The following ABCB5 variants were observed in gnomAD, a reference collection of about 807,000 sequenced individuals.
The protein encoded by ABCB5 is ATP-binding cassette sub-family B member 5.
Under a neutral mutation model 144.2 loss-of-function variants are expected in ABCB5, and 155 were observed. That is an observed-to-expected ratio of 1.08 (90% CI 0.94 to 1.23). The LOEUF (loss-of-function observed/expected upper bound fraction) is 1.23, where lower values mean the gene tolerates loss of function less well. Ranked by LOEUF, ABCB5 falls within the 50% of genes most tolerant of loss-of-function variation. The probability of loss-of-function intolerance (pLI) is 0.00; values close to 1 mark genes in which losing one functional copy is unlikely to be tolerated. For missense variants in ABCB5, 1,830 were observed against 1,520.8 expected, an observed-to-expected ratio of 1.20 and a Z score of -3.38; for synonymous variants, 610 against 528.6, an observed-to-expected ratio of 1.15 and a Z score of -2.11.
rs761639963 is a variant in ABCB5, at chr7:20,742,852, C to T, written c.3025-25C>T. The T allele has an allele frequency of 1.4e-5, 22 of 1,611,484 alleles. No individual in the cohort carries two copies. The African/African-American group carries it at 2.7e-4, about 20-fold the overall frequency. On this transcript the variant is annotated intron_variant, in intron 24 of 27. Coordinates refer to ENST00000404938, the MANE Select transcript of ABCB5 (RefSeq NM_001163941.2). ...TACAACCTTCCCAAGTCATTCTTCT[C>T]AACTCTGTCAACTTCCTTTCACAGG...
intron 27 of ABCB5, among the ~76,000 whole-genome samples, chr7:20,755,065 T>C (rs988600335): frequency 6.6e-6 from 1 of 152,132 alleles, no homozygotes; most frequent in African/African-American, 2.4e-5. Flanking sequence ...TTGTCCTGCC[T>C]CAGCCTCCCA....
rs1783070233 is a variant in ABCB5, at chr7:20,755,731, G to C, written c.*107G>C. 9.9e-7 allele frequency: 1 copy of C among 1,007,502 alleles called. No individual in the cohort carries two copies. Among genetic ancestry groups the C allele is most frequent in the South Asian group, 1.6e-5 (1 of 63,428 alleles). 62.4% of individuals were successfully genotyped at this position (1,007,502 alleles called of 1,614,324 possible). Reference sequence around the variant, plus strand: ...CTTTTATTGCATATATCAATACCTAGAATCATGCTACTCAAGTACATACAT... The same window carrying C: ...CTTTTATTGCATATATCAATACCTACAATCATGCTACTCAAGTACATACAT... On this transcript the variant is annotated 3_prime_UTR_variant, in exon 28 of 28. Transcript: ENST00000404938.
At chr7:20,616,841 G>C (rs1783697023) in intron 1 of ABCB5, among the ~76,000 whole-genome samples, 1 of 152,206 alleles carries the variant, frequency 6.6e-6, no homozygotes, top group African/African-American at 2.4e-5. Flanking sequence ...ATACAGTGAG[G>C]ACCTGCCAAC....
At position 20,677,585 on chromosome 7, in the gene ABCB5, C is replaced by T. The variant is rs562570592; in HGVS notation, c.1708-3920C>T. Among the ~76,000 whole-genome samples the T allele has an allele frequency of 2.0e-4, 30 of 152,078 alleles. No homozygotes were observed. The East Asian group carries it at 2.7e-3, about 14-fold the overall frequency. ...CTCTACTAAAAATACAAAAATTAAC[C>T]GGGTGTGGTGGTGCACGCCTGTAAT... On this transcript the variant is annotated intron_variant, in intron 14 of 27. Transcript: ENST00000404938.
intron 20 of ABCB5, among the ~76,000 whole-genome samples, chr7:20,719,590 G>A (rs1317783738): frequency 6.6e-6 from 1 of 152,170 alleles, no homozygotes; most frequent in Non-Finnish European, 1.5e-5. Flanking sequence ...TGTGGGAAAG[G>A]GGTAGGGCTG....
Position 20,651,804 on chromosome 7 carries a change from A to C in ABCB5, c.1536+181A>C, listed in dbSNP as rs2128026450. The C allele has an allele frequency of 5.0e-6, 3 of 595,304 alleles. 1 individual carries two copies. Among genetic ancestry groups the C allele is most frequent in the Middle Eastern group, 9.0e-4 (2 of 2,216 alleles). 36.9% of individuals were successfully genotyped at this position (595,304 alleles called of 1,614,324 possible). A position where few individuals can be genotyped will look rare whatever the true frequency, so the allele number is the denominator to read the frequency against. ...TGGCTTTGAATGAGGTCCAACACAA[A>C]TTTGTAAACTTTCTTAACACATTAT... is the stretch of plus-strand genomic sequence containing the variant. On this transcript the variant is annotated intron_variant, in intron 13 of 27. Transcript: ENST00000404938.
intron 16 of ABCB5, among the ~76,000 whole-genome samples, chr7:20,687,901 A>G (rs1786055268): frequency 6.6e-6 from 1 of 152,098 alleles, no homozygotes; most frequent in South Asian, 2.1e-4. Context: ...AAATAAAAAT[A>G]AAATAAATAG....
chr7:20,718,282 T>C (rs1025695624), intron 20 of ABCB5, among the ~76,000 whole-genome samples: 5 of 152,158 alleles, frequency 3.3e-5, no homozygotes, highest in African/African-American at 1.2e-4. Context: ...GGACACAATG[T>C]AGCCTATAAC....
At chr7:20,650,760 T>C (rs1784558782) in intron 12 of ABCB5, among the ~76,000 whole-genome samples, 1 of 152,198 alleles carries the variant, frequency 6.6e-6, no homozygotes, top group Non-Finnish European at 1.5e-5. Context: ...CTTCATAGTT[T>C]TCATTTGGAG....
intron 13 of ABCB5, 107 bp from the exon 14 acceptor site, chr7:20,658,399 G>A (rs1784883443): frequency 5.9e-6 from 6 of 1,019,282 alleles, no homozygotes; most frequent in African/African-American, 3.3e-5. Flanking sequence ...AGAGGCTGAA[G>A]TACTGATTAA....
chr7:20,667,600 T>C (rs892534946), intron 14 of ABCB5: 2 of 931,166 alleles, frequency 2.1e-6, no homozygotes, highest in Admixed American at 6.2e-5. Flanking sequence ...ATTGAGCTAA[T>C]GGGTCACATC....
intron 14 of ABCB5, among the ~76,000 whole-genome samples, chr7:20,679,983 A>G (rs943985695): frequency 9.9e-5 from 15 of 151,520 alleles, no homozygotes; most frequent in Admixed American, 5.9e-4. Flanking sequence ...TAGTAGGGGG[A>G]AAAAAAAACT....
rs545658279 is a variant in ABCB5 at position 20,630,323 on chromosome 7, A to G, written c.259+1485A>G. Among the ~76,000 whole-genome samples the G allele has an allele frequency of 1.7e-3, 261 of 152,112 alleles. 2 individuals are homozygous for G. Among genetic ancestry groups the G allele is most frequent in the South Asian group, 7.2e-3 (35 of 4,828 alleles). On this transcript the variant is annotated intron_variant, in intron 4 of 27. Coordinates refer to ENST00000404938, the MANE Select transcript of ABCB5 (RefSeq NM_001163941.2). ...TTCAGTCTACTTCCCTCTGTGCTCT[A>G]TTTGACTTTAAATTCTAATTTATAC... is the stretch of plus-strand genomic sequence containing the variant.
At chr7:20,685,632 T>G in intron 15 of ABCB5, 64 bp from the exon 16 acceptor site, 11 of 1,423,396 alleles carry the variant, frequency 7.7e-6, no homozygotes, top group Non-Finnish European at 1.1e-5. Flanking sequence ...AAGAGATGCT[T>G]AATAAGTTTC....
intron 13 of ABCB5, among the ~76,000 whole-genome samples, chr7:20,652,294 G>A (rs1784620577): frequency 6.6e-6 from 1 of 152,188 alleles, no homozygotes; most frequent in Non-Finnish European, 1.5e-5. Flanking sequence ...CAGGCCGGGT[G>A]CGGTGGCTCA....
chr7:20,638,081 G>A (rs528044677), intron 5 of ABCB5, among the ~76,000 whole-genome samples: 2 of 152,206 alleles, frequency 1.3e-5, no homozygotes, highest in African/African-American at 2.4e-5. Context: ...ACTCGAGTGT[G>A]TTGTTTTGTT....
intron 14 of ABCB5, among the ~76,000 whole-genome samples, chr7:20,674,752 AC>A (rs1785552153): frequency 4.6e-5 from 6 of 130,624 alleles, no homozygotes; most frequent in African/African-American, 1.7e-4. Flanking sequence ...TAAAGACTAC[AC>A]ACACACACAC....
intron 21 of ABCB5, 63 bp downstream of exon 21, chr7:20,723,282 A>T: frequency 6.7e-7 from 1 of 1,492,456 alleles, no homozygotes; most frequent in Non-Finnish European, 9.2e-7. Flanking sequence ...GAACTTTATG[A>T]TATGTTAACT....
chr7:20,622,721 T>G (rs185124074), intron 1 of ABCB5, among the ~76,000 whole-genome samples: 85 of 152,208 alleles, frequency 5.6e-4, no homozygotes, highest in South Asian at 1.4e-3. Flanking sequence ...GAGTAAATTA[T>G]GCTTAATACA....
Sources: gnomAD v4.1 joint callset for allele counts (sites outside exome capture counted in the v4.1 genomes callset) on GRCh38, gnomAD v4.1.1 for gene constraint, MANE v1.5 for transcripts, NCBI Gene and HGNC (gene_info 2026-07-23, HGNC 2026-07-21) for gene names.